Variants in EVI5 observed in about 807,000 individuals in gnomAD.
The protein encoded by EVI5 is ecotropic viral integration site 5, also known as ecotropic viral integration site 5 protein homolog.
In EVI5, 73 loss-of-function variants were observed where a neutral mutation model predicts 112.0. The ratio of observed to expected loss-of-function variants is 0.65; its 90% CI spans 0.54 to 0.79. The LOEUF (loss-of-function observed/expected upper bound fraction) is 0.79. Among genes scored for constraint, EVI5 ranks in the 30% least tolerant of loss-of-function variants. The pLI is 0.00. For synonymous variants in EVI5, 305 were observed against 319.9 expected (o/e 0.95, Z 0.50); for missense variants, 900 against 968.8 (o/e 0.93, Z 0.94).
chr1:92,538,809 G>A (rs909176533), intron 19 of EVI5, among the ~76,000 whole-genome samples: 2 of 152,174 alleles, frequency 1.3e-5, no homozygotes, highest in African/African-American at 4.8e-5. Flanking sequence ...GGCACAGGTG[G>A]CATGGGGAAA....
rs552516915 is a variant in EVI5 at position 92,510,101 on chromosome 1, T to A, written c.*3555A>T. ...AATCAGATCTTCAAAGAAAAGAGTG[T>A]TATTTCTAGTTTTTTGTTGTCCAAA... On this transcript the variant is annotated 3_prime_UTR_variant, in exon 20 of 20. Coordinates refer to ENST00000684568, the MANE Select transcript of EVI5 (RefSeq NM_001350197.2). 19 of 152,302 alleles carry A rather than the reference T, an allele frequency of 1.2e-4. No individual in the cohort carries two copies. The highest frequency in any genetic ancestry group is 4.3e-4 in the African/African-American group (18 of 41,564). 9.4% of individuals were successfully genotyped at this position (152,302 alleles called of 1,614,324 possible). A position where few individuals can be genotyped will look rare whatever the true frequency, so the allele number is the denominator to read the frequency against.
chr1:92,677,253 T>C (rs1320686349), intron 9 of EVI5, 35 bp from the exon 10 acceptor site: 2 of 1,215,918 alleles, frequency 1.6e-6, no homozygotes, highest in South Asian at 1.4e-5. Flanking sequence ...AAAGGTAATG[T>C]TTTCATTCAA....
intron 14 of EVI5, among the ~76,000 whole-genome samples, chr1:92,634,001 T>A (rs866176129): frequency 3.2e-4 from 48 of 152,356 alleles, no homozygotes; most frequent in Middle Eastern, 3.4e-3. Context: ...GAATGTTGAA[T>A]ATTGGCCCCC....
chr1:92,694,421 T>A, intron 7 of EVI5, 33 bp from the exon 8 acceptor site: 1 of 1,247,440 alleles, frequency 8.0e-7, no homozygotes, highest in Non-Finnish European at 1.2e-6. Context: ...TCCAAATTTA[T>A]GTTACTCTTC....
chr1:92,741,430 A>G (rs1319070202), intron 1 of EVI5, among the ~76,000 whole-genome samples: 1 of 152,194 alleles, frequency 6.6e-6, no homozygotes, highest in Non-Finnish European at 1.5e-5. Flanking sequence ...TCCTACCACA[A>G]TGACCTTTAT....
chr1:92,547,868 C>CA (rs896697991), intron 19 of EVI5, among the ~76,000 whole-genome samples: 3 of 152,024 alleles, frequency 2.0e-5, no homozygotes, highest in African/African-American at 2.4e-5. Flanking sequence ...GCCTACCAAC[C>CA]AAAAAAAGTC....
intron 1 of EVI5, among the ~76,000 whole-genome samples, chr1:92,765,925 T>C (rs1471807679): frequency 1.3e-5 from 2 of 151,576 alleles, no homozygotes; most frequent in Admixed American, 1.3e-4. Context: ...AAAAATCTTT[T>C]AAAAACTAGC....
intron 16 of EVI5, among the ~76,000 whole-genome samples, chr1:92,608,443 T>C (rs1053928178): frequency 6.6e-6 from 1 of 152,122 alleles, no homozygotes; most frequent in African/African-American, 2.4e-5. Context: ...CAGTGGCTCA[T>C]GTCTAATCCC....
chr1:92,767,748 T>C (rs1256331385), intron 1 of EVI5, among the ~76,000 whole-genome samples: 2 of 152,252 alleles, frequency 1.3e-5, no homozygotes, highest in African/African-American at 4.8e-5. Flanking sequence ...AATGCTTTAC[T>C]GTTGTAACAT....
intron 1 of EVI5, among the ~76,000 whole-genome samples, chr1:92,743,530 G>A (rs1404032985): frequency 6.6e-6 from 1 of 152,038 alleles, no homozygotes; most frequent in Non-Finnish European, 1.5e-5. Flanking sequence ...AGAGGAAATA[G>A]GGAGTTATTG....
chr1:92,731,089 C>T lies in EVI5; in HGVS notation c.149+5309G>A, dbSNP rs942192028. Among the ~76,000 whole-genome samples the T allele has an allele frequency of 3.3e-5, 5 of 152,084 alleles. No homozygotes were observed. The South Asian group carries it at 8.3e-4, about 25-fold the overall frequency. Reference sequence around the variant, plus strand: ...CTGTAATCCCAGCACTTTGGGAGGCCGAGGTAGGCAAATCACTTGAGGTCA... The same window carrying T: ...CTGTAATCCCAGCACTTTGGGAGGCTGAGGTAGGCAAATCACTTGAGGTCA... On this transcript the variant is annotated intron_variant, in intron 2 of 19. Transcript: ENST00000684568.
intron 18 of EVI5, among the ~76,000 whole-genome samples, chr1:92,564,588 C>T (rs999292986): frequency 1.3e-5 from 2 of 152,054 alleles, no homozygotes; most frequent in African/African-American, 4.8e-5. Context: ...TTCAGGTGAG[C>T]ACTGGGACTA....
chr1:92,561,290 T>C (rs1292186138), intron 19 of EVI5, among the ~76,000 whole-genome samples: 5 of 152,168 alleles, frequency 3.3e-5, no homozygotes, highest in African/African-American at 1.2e-4. Flanking sequence ...TCCTTAATTC[T>C]ATCTGCAACA....
chr1:92,538,843 A>T (rs578002053), intron 19 of EVI5, among the ~76,000 whole-genome samples: 3 of 152,338 alleles, frequency 2.0e-5, no homozygotes, highest in African/African-American at 4.8e-5. Context: ...AGAATGTATT[A>T]TGTGTTAGGA....
intron 19 of EVI5, among the ~76,000 whole-genome samples, chr1:92,556,891 C>A (rs1020083071): frequency 4.0e-5 from 6 of 151,816 alleles, no homozygotes; most frequent in African/African-American, 1.5e-4. Context: ...CTCACTGCAA[C>A]CTCAAACTCC....
chr1:92,725,988 CT>C (rs1476603071), intron 2 of EVI5, among the ~76,000 whole-genome samples: 1 of 152,028 alleles, frequency 6.6e-6, no homozygotes, highest in Non-Finnish European at 1.5e-5. Flanking sequence ...TTAATAGCAA[CT>C]TAGATATGGC....
rs763273910 is a variant in EVI5 at position 92,513,954 on chromosome 1, C to A, written c.2183G>T (p.Gly728Val). 28 of 1,564,630 alleles carry A rather than the reference C, an allele frequency of 1.8e-5. No homozygotes were observed. The South Asian group carries it at 3.3e-4, about 18-fold the overall frequency. The change falls in exon 20 of 20, where the codon GGC becomes GTC. Residue 728 changes from glycine to valine, a missense_variant. Gly to Val is a moderately radical substitution (Grantham distance 109, BLOSUM62 -3). Coordinates refer to ENST00000684568, the MANE Select transcript of EVI5 (RefSeq NM_001350197.2). ...ELNHELRCLK[G>V]QRGFSGQPPF... ...AGGTTGGCCTGAGAAGCCCCTCTGG[C>A]CTTTTAGGCACCTGAGCTGTTAAAA...
chr1:92,551,106 G>C (rs1196444171), intron 19 of EVI5, among the ~76,000 whole-genome samples: 1 of 121,906 alleles, frequency 8.2e-6, no homozygotes, highest in Non-Finnish European at 1.6e-5. Context: ...TCAGTGGCAT[G>C]ATCTTGGCTC....
At chr1:92,602,822 A>C (rs776965018) in intron 18 of EVI5, among the ~76,000 whole-genome samples, 8 of 152,218 alleles carry the variant, frequency 5.3e-5, no homozygotes, top group African/African-American at 1.4e-4. Context: ...CACCACCAAA[A>C]AAAACAAAAC....
Sources: allele counts gnomAD v4.1 joint callset (sites outside exome capture counted in the v4.1 genomes callset), GRCh38; gene constraint gnomAD v4.1.1; transcripts MANE v1.5; gene names NCBI Gene and HGNC (gene_info 2026-07-23, HGNC 2026-07-21).